The following TAOK3 variants were observed in gnomAD, a reference collection of about 807,000 sequenced individuals.
The protein encoded by TAOK3 is TAO kinase 3, also known as serine/threonine-protein kinase TAO3.
In TAOK3, 40 loss-of-function variants were observed where a neutral mutation model predicts 120.4. The ratio of observed to expected loss-of-function variants is 0.33; its 90% CI spans 0.26 to 0.43. The LOEUF (loss-of-function observed/expected upper bound fraction) is 0.43, where lower values mean the gene tolerates loss of function less well. Ranked by LOEUF, TAOK3 falls within the 20% of genes least tolerant of loss-of-function variation. The pLI is 1.00. For synonymous variants in TAOK3, 355 were observed against 387.5 expected, an observed-to-expected ratio of 0.92 and a Z score of 0.99; for missense variants, 821 against 1,112.1, an observed-to-expected ratio of 0.74 and a Z score of 3.72.
At chr12:118,367,577 C>T (rs2062519) in intron 1 of TAOK3, among the ~76,000 whole-genome samples, 42,263 of 151,904 alleles carry the variant, frequency 0.28, 6,940 homozygotes, top group African/African-American at 0.46. Context: ...AAACTTTTAA[C>T]ATAGCTTACA....
At chr12:118,203,774 A>G (rs1433263372) in intron 11 of TAOK3, among the ~76,000 whole-genome samples, 1 of 152,052 alleles carries the variant, frequency 6.6e-6, no homozygotes. Flanking sequence ...CACCTGTTGT[A>G]AAAAGAAGTA....
chr12:118,310,198 TC>T (rs1168238578), intron 1 of TAOK3, among the ~76,000 whole-genome samples: 1 of 152,154 alleles, frequency 6.6e-6, no homozygotes, highest in African/African-American at 2.4e-5. Context: ...GTGGGAGGAT[TC>T]CTTGAGTCAG....
intron 1 of TAOK3, among the ~76,000 whole-genome samples, chr12:118,308,861 C>T (rs1186417898): frequency 3.3e-5 from 4 of 121,388 alleles, no homozygotes; most frequent in Admixed American, 1.1e-4. Context: ...ACCCAGGAGG[C>T]GGAGGTTGCA....
chr12:118,354,282 G>T (rs777665957), intron 1 of TAOK3, among the ~76,000 whole-genome samples: 1 of 152,126 alleles, frequency 6.6e-6, no homozygotes, highest in Non-Finnish European at 1.5e-5. Flanking sequence ...AAGGTTAGTT[G>T]AACACAAGCA....
intron 1 of TAOK3, among the ~76,000 whole-genome samples, chr12:118,361,026 A>G (rs952758902): frequency 6.6e-6 from 1 of 152,242 alleles, no homozygotes; most frequent in African/African-American, 2.4e-5. Flanking sequence ...AACACATTTC[A>G]AACCCAATTA....
intron 1 of TAOK3, among the ~76,000 whole-genome samples, chr12:118,311,534 C>G (rs1175458548): frequency 6.6e-6 from 1 of 152,178 alleles, no homozygotes; most frequent in African/African-American, 2.4e-5. Flanking sequence ...ATAGGGAAAA[C>G]TCTTATTAGC....
intron 8 of TAOK3, among the ~76,000 whole-genome samples, chr12:118,233,983 C>T (rs2039898936): frequency 1.3e-5 from 2 of 152,124 alleles, no homozygotes; most frequent in South Asian, 4.1e-4. Context: ...AAGACTGGCT[C>T]CACCCCTTAC....
intron 1 of TAOK3, among the ~76,000 whole-genome samples, chr12:118,352,517 AT>A (rs2045217733): frequency 6.6e-6 from 1 of 151,856 alleles, no homozygotes. Flanking sequence ...AAAAAAAAAA[AT>A]CATATATATA....
chr12:118,353,700 A>C (rs567939939), intron 1 of TAOK3, among the ~76,000 whole-genome samples: 1 of 152,304 alleles, frequency 6.6e-6, no homozygotes, highest in Admixed American at 6.5e-5. Context: ...GGTGCAGTGC[A>C]TTTTACCAGC....
chr12:118,256,662 T>C (rs962533648), intron 2 of TAOK3, among the ~76,000 whole-genome samples: 1 of 152,192 alleles, frequency 6.6e-6, no homozygotes, highest in Non-Finnish European at 1.5e-5. Flanking sequence ...AAAGACCATA[T>C]ATTGTATGAT....
intron 1 of TAOK3, among the ~76,000 whole-genome samples, chr12:118,286,572 G>C (rs1004244775): frequency 4.7e-5 from 7 of 148,904 alleles, no homozygotes; most frequent in Admixed American, 2.7e-4. Flanking sequence ...AAAAAAAACA[G>C]ATGTTAGCAT....
intron 1 of TAOK3, among the ~76,000 whole-genome samples, chr12:118,281,971 G>T (rs559830340): frequency 6.6e-6 from 1 of 152,038 alleles, no homozygotes; most frequent in Non-Finnish European, 1.5e-5. Context: ...AAAGTCACAG[G>T]TATTGCTAAT....
chr12:118,350,448 C>G (rs1323713805), intron 1 of TAOK3, among the ~76,000 whole-genome samples: 9 of 152,168 alleles, frequency 5.9e-5, no homozygotes, highest in Non-Finnish European at 1.3e-4. Flanking sequence ...TTGAGATACT[C>G]ATTATATAAA....
intron 3 of TAOK3, among the ~76,000 whole-genome samples, chr12:118,254,031 G>T (rs992725713): frequency 6.6e-6 from 1 of 152,186 alleles, no homozygotes; most frequent in African/African-American, 2.4e-5. Flanking sequence ...CTCCAGCCTG[G>T]GCTACAGAGC....
intron 1 of TAOK3, among the ~76,000 whole-genome samples, chr12:118,286,425 G>T (rs535555042): frequency 1.3e-5 from 2 of 152,042 alleles, no homozygotes; most frequent in African/African-American, 4.8e-5. Flanking sequence ...GACATGAATA[G>T]ACAATTCTCA....
At chr12:118,256,685 C>A (rs912215331) in intron 2 of TAOK3, among the ~76,000 whole-genome samples, 2 of 152,170 alleles carry the variant, frequency 1.3e-5, no homozygotes, top group Non-Finnish European at 2.9e-5. Flanking sequence ...CATATATACA[C>A]ACACACATAT....
intron 1 of TAOK3, among the ~76,000 whole-genome samples, chr12:118,339,012 G>T (rs1347069174): frequency 6.6e-6 from 1 of 152,002 alleles, no homozygotes; most frequent in East Asian, 1.9e-4. Context: ...AAAGAGTGTG[G>T]TGTGCTGCTT....
chr12:118,316,690 C>T (rs1296741555), intron 1 of TAOK3, among the ~76,000 whole-genome samples: 2 of 152,074 alleles, frequency 1.3e-5, no homozygotes, highest in African/African-American at 2.4e-5. Flanking sequence ...GCCAGGATTA[C>T]AGGCATGAGC....
chr12:118,251,900 C>T (rs988337810), intron 3 of TAOK3, among the ~76,000 whole-genome samples: 4 of 151,840 alleles, frequency 2.6e-5, no homozygotes, highest in African/African-American at 4.8e-5. Context: ...CAGCTCACTG[C>T]AAGCTCCACC....
Sources: gnomAD v4.1 joint callset for allele counts (sites outside exome capture counted in the v4.1 genomes callset) on GRCh38, gnomAD v4.1.1 for gene constraint, MANE v1.5 for transcripts, NCBI Gene and HGNC (gene_info 2026-07-23, HGNC 2026-07-21) for gene names.